The following GLS variants were observed in gnomAD, a reference collection of about 807,000 sequenced individuals.
GLS encodes the protein glutaminase kidney isoform, mitochondrial.
GLS carries 36 observed loss-of-function variants against 86.7 expected under a neutral mutation model. The ratio of observed to expected loss-of-function variants is 0.42; its 90% CI spans 0.32 to 0.55. The LOEUF (loss-of-function observed/expected upper bound fraction) is 0.55. Ranked by LOEUF, GLS falls within the 20% of genes least tolerant of loss-of-function variation. The pLI, the probability that GLS is intolerant of heterozygous loss-of-function variation, is 0.17. For synonymous variants in GLS, 317 were observed against 305.9 expected, an observed-to-expected ratio of 1.04 and a Z score of -0.38; for missense variants, 528 against 833.4, an observed-to-expected ratio of 0.63 and a Z score of 4.51.
rs56693446 is a variant in GLS at position 190,959,243 on chromosome 2, CTT to C, written c.1854-3573_1854-3572del. Among the ~76,000 whole-genome samples, 932 of 135,494 alleles carry C rather than the reference CTT, an allele frequency of 6.9e-3. 8 individuals carry two copies. Among genetic ancestry groups the C allele is most frequent in the African/African-American group, 0.022 (815 of 37,240 alleles). 88.9% of individuals were successfully genotyped at this position (135,494 alleles called of 152,430 possible). ...TCAGAGACTAGCATTGCAACCCCTG[CTT>C]TTTTTTTTTTTTTGCTTTCCATTTG... is the stretch of plus-strand genomic sequence containing the variant. On this transcript the variant is annotated intron_variant, in intron 17 of 17. Coordinates refer to ENST00000320717, the MANE Select transcript of GLS (RefSeq NM_014905.5).
chr2:190,964,427 CCTT>C lies in GLS; in HGVS notation c.*1442_*1444del, dbSNP rs1420072445. ...TAGTTGTTATCACATACAGCAAATTCCTTTTTTTTTCTTTTTCTATGAGCACAC... is the reference window on the plus strand; with the variant it reads ...TAGTTGTTATCACATACAGCAAATTCTTTTTTTCTTTTTCTATGAGCACAC... On this transcript the variant is annotated 3_prime_UTR_variant, in exon 18 of 18. Transcript: ENST00000320717. This position sits in a 1 kb window ranked among gnomAD's most constrained non-coding sequence, Gnocchi z 5.2. 6.6e-6 allele frequency: 1 copy of C among 150,964 alleles called. No individual in the cohort carries two copies. The highest frequency in any genetic ancestry group is 2.5e-5 in the African/African-American group (1 of 40,324). The allele number at this position is 150,964 out of a possible 1,614,324, so 9.4% of individuals were successfully genotyped here.
At chr2:190,946,235 T>C (rs1445617334) in intron 14 of GLS, among the ~76,000 whole-genome samples, 15 of 152,216 alleles carry the variant, frequency 9.9e-5, no homozygotes, top group Admixed American at 9.8e-4. Flanking sequence ...AATTTTTCTT[T>C]AGCCACAGTA....
At position 190,880,856 on chromosome 2, in the gene GLS, C is replaced by G; in HGVS notation, c.-229C>G. ...CTTAGGCGGAGCGAAGAGAACCGGT[C>G]GCGGCAATCCTAGCGCGCAGCAGCA... is the stretch of plus-strand genomic sequence containing the variant. On this transcript the variant is annotated 5_prime_UTR_variant, in exon 1 of 18. Transcript: ENST00000320717. 7.2e-6 allele frequency: 6 copies of G among 828,274 alleles called. 1 individual carries two copies. Among genetic ancestry groups the G allele is most frequent in the Non-Finnish European group, 1.2e-5 (6 of 515,364 alleles). 51.3% of individuals were successfully genotyped at this position (828,274 alleles called of 1,614,324 possible). A position where few individuals can be genotyped will look rare whatever the true frequency, so the allele number is the denominator to read the frequency against.
Position 190,895,059 on chromosome 2 carries a change from T to C in GLS, c.387-93T>C, listed in dbSNP as rs1688683138. On this transcript the variant is annotated intron_variant, in intron 1 of 17. Coordinates refer to ENST00000320717, the MANE Select transcript of GLS (RefSeq NM_014905.5). This position sits in a 1 kb window ranked among gnomAD's most constrained non-coding sequence, Gnocchi z 4.2. Reference sequence around the variant, plus strand: ...CTTGAGTATATGAGCTCAGCTGTAGTCTAGTTTAGTGGTTATTTAACAATG... The same window carrying C: ...CTTGAGTATATGAGCTCAGCTGTAGCCTAGTTTAGTGGTTATTTAACAATG... The C allele has an allele frequency of 4.8e-6, 3 of 629,520 alleles. No individual in the cohort carries two copies. Among genetic ancestry groups the C allele is most frequent in the Non-Finnish European group, 5.8e-6 (2 of 343,942 alleles). 39.0% of individuals were successfully genotyped at this position (629,520 alleles called of 1,614,324 possible). A position where few individuals can be genotyped will look rare whatever the true frequency, so the allele number is the denominator to read the frequency against.
chr2:190,904,359 G>A (rs947565328), intron 5 of GLS, among the ~76,000 whole-genome samples: 2 of 152,168 alleles, frequency 1.3e-5, no homozygotes, highest in African/African-American at 4.8e-5. Flanking sequence ...ACACGTGGGA[G>A]TAAGGAGGAG....
Position 190,953,170 on chromosome 2 carries a change from G to A in GLS, c.1651-395G>A, listed in dbSNP as rs1574621154. ...TTGGCAGGGATTAGACATTTATATA[G>A]CATGATTTAATTTTTAATAATGTGA... On this transcript the variant is annotated intron_variant, in intron 14 of 17. Coordinates refer to ENST00000320717, the MANE Select transcript of GLS (RefSeq NM_014905.5). This position sits in a 1 kb window ranked among gnomAD's most constrained non-coding sequence, Gnocchi z 4.0. Among the ~76,000 whole-genome samples the A allele has an allele frequency of 6.6e-6, 1 of 152,310 alleles. No homozygotes were observed. Among genetic ancestry groups the A allele is most frequent in the South Asian group, 2.1e-4 (1 of 4,832 alleles).
chr2:190,898,489 A>T (rs1368283247), intron 3 of GLS, among the ~76,000 whole-genome samples: 1 of 152,192 alleles, frequency 6.6e-6, no homozygotes, highest in African/African-American at 2.4e-5. Flanking sequence ...ATCGGTATGC[A>T]GTTAGATACT....
In GLS at chr2:190,956,289, A is replaced by G. The variant is rs1040216035; in HGVS notation, c.1853+1471A>G. ...TTAAGTCTTTAATCCATCTTGAGTT[A>G]ATTTTTGTATAAGGTGAAAGGAAGG... is the stretch of plus-strand genomic sequence containing the variant. On this transcript the variant is annotated intron_variant, in intron 17 of 17. Coordinates refer to ENST00000320717, the MANE Select transcript of GLS (RefSeq NM_014905.5). The surrounding 1 kb of genome is among the most constrained non-coding windows in gnomAD (Gnocchi z 4.2). Among the ~76,000 whole-genome samples the G allele has an allele frequency of 6.6e-6, 1 of 151,938 alleles. No individual in the cohort carries two copies. The highest frequency in any genetic ancestry group is 6.6e-5 in the Admixed American group (1 of 15,250).
chr2:190,919,197 T>C (rs1024449396), intron 7 of GLS, among the ~76,000 whole-genome samples: 1 of 152,186 alleles, frequency 6.6e-6, no homozygotes, highest in Non-Finnish European at 1.5e-5. Context: ...TTTCTTTTGC[T>C]CTATTTACAT....
At chr2:190,883,437 C>G (rs1366551266) in intron 1 of GLS, among the ~76,000 whole-genome samples, 1 of 152,188 alleles carries the variant, frequency 6.6e-6, no homozygotes, top group African/African-American at 2.4e-5. Context: ...TATGCTAGCA[C>G]TCACTCAGGA....
At chr2:190,899,775 T>A (rs1688874337) in intron 3 of GLS, among the ~76,000 whole-genome samples, 1 of 152,142 alleles carries the variant, frequency 6.6e-6, no homozygotes, top group African/African-American at 2.4e-5. Context: ...TAAATTCTTT[T>A]TAGCAAAAAG....
intron 14 of GLS, chr2:190,932,856 A>G (rs1175220903): frequency 6.6e-7 from 1 of 1,520,332 alleles, no homozygotes; most frequent in Non-Finnish European, 8.8e-7. Flanking sequence ...TGGGAGAGAA[A>G]AGCTAAAGAA....
chr2:190,893,617 G>T (rs1417003199), intron 1 of GLS, among the ~76,000 whole-genome samples: 1 of 152,024 alleles, frequency 6.6e-6, no homozygotes, highest in Non-Finnish European at 1.5e-5. Context: ...ACAGAGTCTC[G>T]CTCTGTTACC....
In GLS at chr2:190,924,688, A is replaced by G. The variant is rs2124902795; in HGVS notation, c.1248+95A>G. ...TCCCAGCACTTTGGGAGGCCAGGGC[A>G]GGTGGATCATGAGGTCAAGAGATAG... is the stretch of plus-strand genomic sequence containing the variant. On this transcript the variant is annotated intron_variant, in intron 11 of 17. Coordinates refer to ENST00000320717, the MANE Select transcript of GLS (RefSeq NM_014905.5). The surrounding 1 kb of genome is among the most constrained non-coding windows in gnomAD (Gnocchi z 5.2). 2.8e-6 allele frequency: 2 copies of G among 720,576 alleles called. No individual in the cohort carries two copies. The highest frequency in any genetic ancestry group is 2.9e-5 in the South Asian group (2 of 69,732). 44.6% of individuals were successfully genotyped at this position (720,576 alleles called of 1,614,324 possible). A position where few individuals can be genotyped will look rare whatever the true frequency, so the allele number is the denominator to read the frequency against.
chr2:190,905,064 A>G lies in GLS; in HGVS notation c.876A>G (p.Lys292=), dbSNP rs1437895925. Residue 292 remains lysine, a synonymous_variant, in exon 6 of 18, where the codon AAA becomes AAG. Coordinates refer to ENST00000320717, the MANE Select transcript of GLS (RefSeq NM_014905.5). This position sits in a 1 kb window ranked among gnomAD's most constrained non-coding sequence, Gnocchi z 4.6. ...TTCAGTCCTGTGTAAAACCTTTGAAATATGCCATTGCTGTTAATGATCTTG... is the reference window on the plus strand; with the variant it reads ...TTCAGTCCTGTGTAAAACCTTTGAAGTATGCCATTGCTGTTAATGATCTTG... ...FCLQSCVKPL[K]YAIAVNDLGT... is the part of the protein sequence containing the mutation. The G allele has an allele frequency of 1.4e-5, 22 of 1,599,822 alleles. No individual in the cohort carries two copies. The South Asian group carries it at 2.3e-4, about 17-fold the overall frequency.
At chr2:190,918,060 A>G (rs1390899105) in intron 7 of GLS, among the ~76,000 whole-genome samples, 1 of 152,152 alleles carries the variant, frequency 6.6e-6, no homozygotes, top group Non-Finnish European at 1.5e-5. Flanking sequence ...ATAATTCTTA[A>G]GGACTCTAGG....
At chr2:190,887,666 A>G (rs1486584910) in intron 1 of GLS, among the ~76,000 whole-genome samples, 1 of 152,162 alleles carries the variant, frequency 6.6e-6, no homozygotes, top group South Asian at 2.1e-4. Flanking sequence ...AGGAACTTAC[A>G]AAGTATTCAT....
chr2:190,902,208 TAA>T (rs1203623304), intron 5 of GLS, among the ~76,000 whole-genome samples, 182 bp downstream of exon 5: 1 of 152,168 alleles, frequency 6.6e-6, no homozygotes, highest in Non-Finnish European at 1.5e-5. Context: ...AACATTATAT[TAA>T]GTTTTATGAG....
chr2:190,955,874 A>C lies in GLS; in HGVS notation c.1853+1056A>C, dbSNP rs1299943795. ...TTTGATTTGCATTTCTCTAATGACC[A>C]GTGATGATGATATTTTTTTCACATG... On this transcript the variant is annotated intron_variant, in intron 17 of 17. Transcript: ENST00000320717. The surrounding 1 kb of genome is among the most constrained non-coding windows in gnomAD (Gnocchi z 5.6). Among the ~76,000 whole-genome samples the C allele has an allele frequency of 6.6e-6, 1 of 152,208 alleles. No individual in the cohort carries two copies. Among genetic ancestry groups the C allele is most frequent in the Non-Finnish European group, 1.5e-5 (1 of 68,038 alleles).
Sources: allele counts gnomAD v4.1 joint callset (sites outside exome capture counted in the v4.1 genomes callset), GRCh38; gene constraint gnomAD v4.1.1; non-coding constraint Gnocchi (gnomAD v3.1); transcripts MANE v1.5; gene names NCBI Gene and HGNC (gene_info 2026-07-23, HGNC 2026-07-21).